The following SMOC2 variants were observed in gnomAD, a reference collection of about 807,000 sequenced individuals.
SMOC2 encodes the protein SPARC related modular calcium binding 2, also known as SPARC-related modular calcium-binding protein 2.
SMOC2 carries 39 observed loss-of-function variants against 61.4 expected under a neutral mutation model. The observed-to-expected ratio is 0.64, with a 90% confidence interval of 0.49 to 0.83. The LOEUF (loss-of-function observed/expected upper bound fraction) is 0.83, where lower values mean the gene tolerates loss of function less well. SMOC2 is among the 40% of genes least tolerant of loss of function. SMOC2 has a pLI of 0.00. For missense variants in SMOC2, 556 were observed against 592.9 expected (o/e 0.94, Z 0.65); for synonymous variants, 247 against 239.9 (o/e 1.03, Z -0.27).
intron 7 of SMOC2, among the ~76,000 whole-genome samples, chr6:168,573,429 G>T (rs1045570251): frequency 1.4e-4 from 22 of 151,996 alleles, no homozygotes; most frequent in Non-Finnish European, 2.9e-4. Context: ...CCGCATCTCC[G>T]GGTGCTGGGA....
At chr6:168,445,047 G>A (rs1388980797) in intron 1 of SMOC2, among the ~76,000 whole-genome samples, 1 of 152,114 alleles carries the variant, frequency 6.6e-6, no homozygotes, top group Non-Finnish European at 1.5e-5. Flanking sequence ...AAGGTCATAC[G>A]CACGACTTCG....
intron 5 of SMOC2, 148 bp downstream of exon 5, chr6:168,543,820 C>T (rs897414690): frequency 1.3e-6 from 1 of 741,380 alleles, no homozygotes; most frequent in African/African-American, 1.7e-5. Flanking sequence ...TCAGCAATGC[C>T]ATTCACTCAC....
At chr6:168,508,700 C>G (rs909476181) in intron 1 of SMOC2, among the ~76,000 whole-genome samples, 1 of 152,218 alleles carries the variant, frequency 6.6e-6, no homozygotes, top group Non-Finnish European at 1.5e-5. Flanking sequence ...TATTTTCCCC[C>G]TGCTCAAACT....
At position 168,443,390 on chromosome 6, in the gene SMOC2, G is replaced by C. The variant is rs183114087; in HGVS notation, c.84+1936G>C. Among the ~76,000 whole-genome samples the C allele has an allele frequency of 3.3e-5, 5 of 152,290 alleles. No homozygotes were observed. In the East Asian group the frequency reaches 7.7e-4, roughly 24 times the overall value. On this transcript the variant is annotated intron_variant, in intron 1 of 12. Transcript: ENST00000356284. ...TTGCCCCAAGGATGTCTTGGGTTGCGGTGAGACCCGCTGCATGTGGGGTCT... is the reference window on the plus strand; with the variant it reads ...TTGCCCCAAGGATGTCTTGGGTTGCCGTGAGACCCGCTGCATGTGGGGTCT...
At chr6:168,655,632 TCA>T (rs1001523505) in intron 11 of SMOC2, 5 of 331,202 alleles carry the variant, frequency 1.5e-5, no homozygotes, top group Admixed American at 3.9e-5. Flanking sequence ...CTGGATCCCC[TCA>T]CACGTGTGTG....
intron 7 of SMOC2, among the ~76,000 whole-genome samples, chr6:168,576,110 A>G (rs1364113753): frequency 6.6e-6 from 1 of 152,066 alleles, no homozygotes; most frequent in African/African-American, 2.4e-5. Flanking sequence ...AGTTGTGCCA[A>G]GCGGTGAAGA....
In SMOC2 at chr6:168,666,432, A is replaced by G. The variant is rs751809159; in HGVS notation, c.1335A>G (p.Gln445=). ...TTTTTCCTTTTCAGCCAAGGAAACA[A>G]GGATAAATGGCTCATACCCCGAAGG... is the stretch of plus-strand genomic sequence containing the variant. ...ESTSNRQPRK[Q]G Residue 445 remains glutamine, a synonymous_variant, in exon 13 of 13, where the codon CAA becomes CAG. Transcript: ENST00000356284. The G allele has an allele frequency of 1.2e-6, 2 of 1,613,928 alleles. No homozygotes were observed. The highest frequency in any genetic ancestry group is 1.7e-6 in the Non-Finnish European group (2 of 1,180,012).
intron 1 of SMOC2, among the ~76,000 whole-genome samples, chr6:168,498,972 C>T (rs1175145794): frequency 3.0e-5 from 4 of 133,618 alleles, no homozygotes; most frequent in Admixed American, 7.5e-5. Flanking sequence ...TCTGGGGGGA[C>T]AGCCAGGGCC....
intron 9 of SMOC2, among the ~76,000 whole-genome samples, chr6:168,641,999 A>T (rs1368016387): frequency 6.6e-6 from 1 of 152,200 alleles, no homozygotes; most frequent in Non-Finnish European, 1.5e-5. Flanking sequence ...AAAAGTAGTA[A>T]TTTTCTTTTC....
At chr6:168,538,000 G>C (rs1783772944) in intron 4 of SMOC2, among the ~76,000 whole-genome samples, 1 of 152,070 alleles carries the variant, frequency 6.6e-6, no homozygotes, top group Admixed American at 6.5e-5. Flanking sequence ...GCAGAGTGGG[G>C]TGAGCTCTGC....
At chr6:168,610,794 G>C (rs1294876532) in intron 9 of SMOC2, among the ~76,000 whole-genome samples, 1 of 152,184 alleles carries the variant, frequency 6.6e-6, no homozygotes, top group Non-Finnish European at 1.5e-5. Flanking sequence ...TCTAGGTCTG[G>C]CTTAAGGGGC....
rs77116323 is a variant in SMOC2, at chr6:168,606,043, C to G, written c.825-2114C>G. ...CTGACCCGGAGCTTGAAGTGAAGAT[C>G]GTTCAGCCCTCAGAGTGCCCTAGTT... On this transcript the variant is annotated intron_variant, in intron 8 of 12. Coordinates refer to ENST00000356284, the MANE Select transcript of SMOC2 (RefSeq NM_001166412.2). Among the ~76,000 whole-genome samples the G allele has an allele frequency of 3.9e-5, 6 of 152,246 alleles. 1 individual carries two copies. The highest frequency in any genetic ancestry group is 1.4e-4 in the African/African-American group (6 of 41,558).
chr6:168,551,020 T>A (rs1397128206), intron 7 of SMOC2, among the ~76,000 whole-genome samples: 1 of 152,198 alleles, frequency 6.6e-6, no homozygotes, highest in African/African-American at 2.4e-5. Context: ...TCTGCACATG[T>A]CAATGGAGAG....
chr6:168,510,226 A>C, intron 2 of SMOC2, 140 bp downstream of exon 2: 1 of 730,510 alleles, frequency 1.4e-6, no homozygotes, highest in Non-Finnish European at 2.1e-6. Flanking sequence ...CATGTAAGGA[A>C]GAAGAGTAAT....
intron 9 of SMOC2, among the ~76,000 whole-genome samples, chr6:168,618,072 G>A (rs781485515): frequency 9.2e-5 from 14 of 152,232 alleles, no homozygotes; most frequent in Non-Finnish European, 2.1e-4. Flanking sequence ...GTCCTATGGC[G>A]TGTTATTAGC....
chr6:168,522,790 G>A (rs1305566600), intron 2 of SMOC2, among the ~76,000 whole-genome samples: 1 of 151,992 alleles, frequency 6.6e-6, no homozygotes, highest in Non-Finnish European at 1.5e-5. Context: ...AGGCTAAGTG[G>A]AGGAAGCCAG....
Position 168,666,925 on chromosome 6 carries a change from T to C in SMOC2, c.*487T>C, listed in dbSNP as rs537540443. The C allele has an allele frequency of 6.4e-4, 99 of 154,634 alleles. No homozygotes were observed. The highest frequency in any genetic ancestry group is 1.7e-3 in the Admixed American group (27 of 15,482). 9.6% of individuals were successfully genotyped at this position (154,634 alleles called of 1,614,324 possible). A position where few individuals can be genotyped will look rare whatever the true frequency, so the allele number is the denominator to read the frequency against. ...GGCTGGTTTGTTTCTTGGGATTTTC[T>C]GTTAGTTTGTCTTGTTTTGCTTTCC... On this transcript the variant is annotated 3_prime_UTR_variant, in exon 13 of 13. Coordinates refer to ENST00000356284, the MANE Select transcript of SMOC2 (RefSeq NM_001166412.2).
chr6:168,540,057 T>C (rs1783843847), intron 4 of SMOC2, among the ~76,000 whole-genome samples: 1 of 152,232 alleles, frequency 6.6e-6, no homozygotes, highest in African/African-American at 2.4e-5. Context: ...GTAAGAGCTA[T>C]ATAGACATCA....
rs145667006 is a variant in SMOC2 at position 168,547,948 on chromosome 6, C to T, written c.562+779C>T. Among the ~76,000 whole-genome samples the T allele has an allele frequency of 6.5e-4, 99 of 152,242 alleles. 1 individual carries two copies. The East Asian group carries it at 0.018, about 28-fold the overall frequency. ...GGCCATTTTCCCTGTTTACATTTCA[C>T]GTCTTTACAAGTGGTCATAACAAGG... On this transcript the variant is annotated intron_variant, in intron 6 of 12. Transcript: ENST00000356284.
Sources: gnomAD v4.1 joint callset for allele counts (sites outside exome capture counted in the v4.1 genomes callset) on GRCh38, gnomAD v4.1.1 for gene constraint, MANE v1.5 for transcripts, NCBI Gene and HGNC (gene_info 2026-07-23, HGNC 2026-07-21) for gene names.